Variants in WDR88 observed in about 807,000 individuals in gnomAD.
The protein encoded by WDR88 is WD repeat domain 88.
A neutral mutation model predicts 46.8 loss-of-function variants in WDR88; 40 were observed. The ratio of observed to expected loss-of-function variants is 0.86; its 90% CI spans 0.66 to 1.11. WDR88 has a LOEUF of 1.11. WDR88 is among the 50% of genes most tolerant of loss of function. WDR88 has a pLI of 0.00. For missense variants in WDR88, 562 were observed against 602.4 expected, an observed-to-expected ratio of 0.93 and a Z score of 0.70; for synonymous variants, 235 against 240.7, an observed-to-expected ratio of 0.98 and a Z score of 0.22.
At chr19:33,167,309 C>T (rs1973968455) in intron 9 of WDR88, among the ~76,000 whole-genome samples, 1 of 151,896 alleles carries the variant, frequency 6.6e-6, no homozygotes, top group South Asian at 2.1e-4. Flanking sequence ...AAAAAAAACC[C>T]TATACAATCA....
chr19:33,153,991 T>C (rs1973685904), intron 6 of WDR88, among the ~76,000 whole-genome samples: 1 of 152,148 alleles, frequency 6.6e-6, no homozygotes, highest in South Asian at 2.1e-4. Flanking sequence ...TTATATATTT[T>C]GCCAAATTTG....
chr19:33,134,666 G>T (rs1973214215), intron 1 of WDR88, among the ~76,000 whole-genome samples: 1 of 151,992 alleles, frequency 6.6e-6, no homozygotes. Context: ...AACCCTGCAC[G>T]CGCGGCCCCG....
rs764306322 is a variant in WDR88, at chr19:33,160,444, G to C, written c.1028G>C (p.Arg343Thr). The change falls in exon 8 of 11, where the codon AGG becomes ACG. Residue 343 changes from arginine (R) to threonine (T), a missense_variant. Arg to Thr is a moderately conservative substitution (Grantham distance 71, BLOSUM62 -1). Transcript: ENST00000355868. ...TTTCTCATTTCTGGAGGGTTTGATA[G>C]GACTGTGGCTATTTGGGATGTAGCA... Reference protein sequence around the residue: ...SSFLISGGFDRTVAIWDVAEG... With the variant: ...SSFLISGGFDTTVAIWDVAEG... 1.9e-6 allele frequency: 3 copies of C among 1,614,172 alleles called. No homozygotes were observed. The South Asian group carries it at 3.3e-5, about 18-fold the overall frequency.
intron 6 of WDR88, among the ~76,000 whole-genome samples, chr19:33,153,422 T>C (rs1240944601): frequency 6.6e-6 from 1 of 152,074 alleles, no homozygotes; most frequent in East Asian, 1.9e-4. Context: ...CATATGGTAA[T>C]ACTGTGCTTA....
At chr19:33,135,875 C>T (rs1474225967) in intron 1 of WDR88, among the ~76,000 whole-genome samples, 6 of 150,378 alleles carry the variant, frequency 4.0e-5, no homozygotes, top group Admixed American at 1.3e-4. Context: ...GTTTTCTTTT[C>T]TTTCTTTCTT....
At position 33,175,739 on chromosome 19, in the gene WDR88, T is replaced by C. The variant is rs1974112442; in HGVS notation, c.*167T>C. On this transcript the variant is annotated 3_prime_UTR_variant, in exon 11 of 11. Transcript: ENST00000355868. ...CAGCACAGTGCCACCTCCTCAGCTC[T>C]CAGCTTGGGGAGTGAACACTTTCCG... 1.5e-6 allele frequency: 1 copy of C among 688,506 alleles called. No individual in the cohort carries two copies. Among genetic ancestry groups the C allele is most frequent in the East Asian group, 2.7e-5 (1 of 36,720 alleles). 42.6% of individuals were successfully genotyped at this position (688,506 alleles called of 1,614,324 possible). A position where few individuals can be genotyped will look rare whatever the true frequency, so the allele number is the denominator to read the frequency against.
intron 8 of WDR88, among the ~76,000 whole-genome samples, chr19:33,163,563 CAT>C (rs988439389): frequency 6.7e-4 from 102 of 151,972 alleles, no homozygotes; most frequent in African/African-American, 1.8e-3. Context: ...ACATATATCA[CAT>C]GTCTTTACAC....
chr19:33,164,060 C>T lies in WDR88; in HGVS notation c.1081-137C>T. 1.1e-5 allele frequency: 8 copies of T among 695,676 alleles called. No individual in the cohort carries two copies. In the South Asian group the frequency reaches 1.3e-4, roughly 12 times the overall value. The allele number at this position is 695,676 out of a possible 1,614,324, so 43.1% of individuals were successfully genotyped here. ...TCATGGCTCACTGCAGCTTCCACCT[C>T]CTGGGCTCAGGTGACCCTCCCGACT... On this transcript the variant is annotated intron_variant, in intron 8 of 10. Transcript: ENST00000355868.
At chr19:33,147,345 A>G (rs912982244) in intron 3 of WDR88, among the ~76,000 whole-genome samples, 1 of 152,028 alleles carries the variant, frequency 6.6e-6, no homozygotes, top group Non-Finnish European at 1.5e-5. Context: ...GTTCACGCCT[A>G]TAATACTAGC....
intron 10 of WDR88, 152 bp downstream of exon 10, chr19:33,172,592 G>A: frequency 1.6e-6 from 1 of 640,986 alleles, no homozygotes; most frequent in East Asian, 2.8e-5. Flanking sequence ...AATTCTAAGA[G>A]AGGAAACAAA....
chr19:33,147,730 G>A (rs367889413), intron 4 of WDR88, 22 bp downstream of exon 4: 1 of 1,612,520 alleles, frequency 6.2e-7, no homozygotes, highest in African/African-American at 1.3e-5. Context: ...TGTCCAGTGG[G>A]GGCGTTGGTT....
chr19:33,138,687 C>CT (rs1218123445), intron 2 of WDR88, among the ~76,000 whole-genome samples: 1,200 of 67,572 alleles, frequency 0.018, 17 homozygotes, highest in African/African-American at 0.074. Context: ...CTTTTCTTTT[C>CT]TTTTTTTTTT....
At chr19:33,144,304 A>C (rs547895369) in intron 2 of WDR88, among the ~76,000 whole-genome samples, 18 of 152,214 alleles carry the variant, frequency 1.2e-4, no homozygotes, top group African/African-American at 3.6e-4. Context: ...GGTTCAAGCG[A>C]TTCTCCTGCC....
intron 6 of WDR88, 76 bp from the exon 7 acceptor site, chr19:33,156,279 C>T (rs900220475): frequency 2.7e-6 from 4 of 1,468,652 alleles, no homozygotes; most frequent in Non-Finnish European, 2.8e-6. Context: ...GGAGAAAATA[C>T]CCCCGGCTTT....
Position 33,156,481 on chromosome 19 carries a change from C to T in WDR88, c.936C>T (p.Ala312=). Residue 312 remains alanine, a synonymous_variant, in exon 7 of 11, where the codon GCC becomes GCT. Transcript: ENST00000355868. ...VHTGEFRNCG[A]CVTLMQGHEG... ...CAGGGGAGTTTCGAAACTGTGGAGC[C>T]TGTGTGACTCTGATGCAGGGCCATG... 6.2e-7 allele frequency: 1 copy of T among 1,614,134 alleles called. No homozygotes were observed. Among genetic ancestry groups the T allele is most frequent in the Non-Finnish European group, 8.5e-7 (1 of 1,180,022 alleles).
At chr19:33,149,588 G>T (rs1175222721) in intron 5 of WDR88, among the ~76,000 whole-genome samples, 2 of 151,904 alleles carry the variant, frequency 1.3e-5, no homozygotes, top group African/African-American at 4.8e-5. Context: ...GGCCTCGAGG[G>T]ATCCTCCTGC....
At chr19:33,133,198 T>TAAATAAATAA (rs1555723214) in intron 1 of WDR88, among the ~76,000 whole-genome samples, 8 of 79,816 alleles carry the variant, frequency 1.0e-4, no homozygotes, top group African/African-American at 2.3e-4. Context: ...TAAATAAATA[T>TAAATAAATAA]AGAGAGAGAG....
intron 9 of WDR88, among the ~76,000 whole-genome samples, chr19:33,169,360 G>A (rs1214767494): frequency 1.3e-5 from 2 of 152,118 alleles, no homozygotes; most frequent in African/African-American, 4.8e-5. Flanking sequence ...GGATTAATAT[G>A]CAGAATACAT....
In WDR88 at chr19:33,147,632, A is replaced by C; in HGVS notation, c.477-13A>C. 6.2e-7 allele frequency: 1 copy of C among 1,613,146 alleles called. No individual in the cohort carries two copies. The highest frequency in any genetic ancestry group is 1.1e-5 in the South Asian group (1 of 90,976). On this transcript the variant is annotated splice_polypyrimidine_tract_variant and intron_variant, in intron 3 of 10. Coordinates refer to ENST00000355868, the MANE Select transcript of WDR88 (RefSeq NM_173479.4). Reference sequence around the variant, plus strand: ...AAAAGAACCAGTGTTCGTCATCGTCATCTTATTTCCAGAGTCATTGCCGCA... The same window carrying C: ...AAAAGAACCAGTGTTCGTCATCGTCCTCTTATTTCCAGAGTCATTGCCGCA...
Sources: gnomAD v4.1 joint callset for allele counts (sites outside exome capture counted in the v4.1 genomes callset) on GRCh38, gnomAD v4.1.1 for gene constraint, MANE v1.5 for transcripts, NCBI Gene and HGNC (gene_info 2026-07-23, HGNC 2026-07-21) for gene names.